The following PCDH7 variants were observed in gnomAD, a reference collection of about 807,000 sequenced individuals.
PCDH7 encodes protocadherin-7.
PCDH7 carries 17 observed loss-of-function variants against 58.9 expected under a neutral mutation model. That is an observed-to-expected ratio of 0.29 (90% CI 0.20 to 0.43). The LOEUF is 0.43. Among genes scored for constraint, PCDH7 ranks in the 20% least tolerant of loss-of-function variants. The pLI, the probability that PCDH7 is intolerant of heterozygous loss-of-function variation, is 1.00. For synonymous variants in PCDH7, 664 were observed against 616.4 expected (o/e 1.08, Z -1.14); for missense variants, 1,274 against 1,441.0 (o/e 0.88, Z 1.88).
intron 1 of PCDH7, among the ~76,000 whole-genome samples, chr4:30,859,755 G>A (rs1394875602): frequency 1.3e-5 from 2 of 152,028 alleles, no homozygotes; most frequent in Non-Finnish European, 2.9e-5. Flanking sequence ...TGATTCTTTA[G>A]AAGGCAAAAT....
At chr4:30,983,101 C>G (rs1750705428) in intron 3 of PCDH7, among the ~76,000 whole-genome samples, 2 of 152,110 alleles carry the variant, frequency 1.3e-5, no homozygotes, top group Admixed American at 6.6e-5. Flanking sequence ...CAGGGGGCAT[C>G]TTTCACAGCT....
intron 1 of PCDH7, among the ~76,000 whole-genome samples, chr4:30,762,359 ATAAC>A (rs1270426836): frequency 2.6e-5 from 4 of 152,208 alleles, no homozygotes; most frequent in Admixed American, 1.3e-4. Context: ...GATTAGATAA[ATAAC>A]TAAACTGATC....
intron 1 of PCDH7, among the ~76,000 whole-genome samples, chr4:30,918,686 C>A (rs1308279464): frequency 6.6e-6 from 1 of 151,984 alleles, no homozygotes; most frequent in Non-Finnish European, 1.5e-5. Flanking sequence ...TATTAAGATT[C>A]AACTATTCTG....
intron 1 of PCDH7, among the ~76,000 whole-genome samples, chr4:30,858,305 G>T (rs1733753824): frequency 6.6e-6 from 1 of 151,926 alleles, no homozygotes; most frequent in Non-Finnish European, 1.5e-5. Context: ...GTTCTCATTT[G>T]TGTTGAGACA....
At chr4:30,755,774 T>C (rs1719212014) in intron 1 of PCDH7, among the ~76,000 whole-genome samples, 1 of 152,062 alleles carries the variant, frequency 6.6e-6, no homozygotes, top group African/African-American at 2.4e-5. Flanking sequence ...ATGAGGGCTT[T>C]TGTACTGCAT....
intron 1 of PCDH7, chr4:30,725,375 C>A: frequency 1.4e-6 from 1 of 719,710 alleles, no homozygotes; most frequent in Non-Finnish European, 1.7e-6. Flanking sequence ...GATTGATGTA[C>A]TGTGTGCAAG....
At chr4:30,990,276 C>T (rs1396489032) in intron 3 of PCDH7, among the ~76,000 whole-genome samples, 1 of 151,700 alleles carries the variant, frequency 6.6e-6, no homozygotes, top group East Asian at 1.9e-4. Flanking sequence ...TATGTATCTA[C>T]CTATATATGT....
At chr4:31,097,768 C>A (rs1714341423) in intron 3 of PCDH7, among the ~76,000 whole-genome samples, 1 of 151,064 alleles carries the variant, frequency 6.6e-6, no homozygotes, top group Admixed American at 6.6e-5. Context: ...GAAAGTCAGG[C>A]TAGCTCTGCC....
At chr4:31,093,476 A>C (rs911061136) in intron 3 of PCDH7, among the ~76,000 whole-genome samples, 1 of 152,068 alleles carries the variant, frequency 6.6e-6, no homozygotes, top group Admixed American at 6.6e-5. Flanking sequence ...CCATTTCTTG[A>C]GGCAGTAGAA....
chr4:30,917,196 TTCTC>T (rs1266276430), intron 1 of PCDH7, among the ~76,000 whole-genome samples: 1 of 152,124 alleles, frequency 6.6e-6, no homozygotes, highest in African/African-American at 2.4e-5. Flanking sequence ...CTCTTGCTGT[TTCTC>T]TCTCTGTCTC....
chr4:30,930,784 TA>T (rs1258448586), intron 2 of PCDH7, among the ~76,000 whole-genome samples: 3 of 151,388 alleles, frequency 2.0e-5, no homozygotes, highest in Non-Finnish European at 4.4e-5. Flanking sequence ...AAAAAAAGTT[TA>T]AAAATTTGCC....
At chr4:30,966,643 A>C (rs993785974) in intron 3 of PCDH7, among the ~76,000 whole-genome samples, 5 of 152,012 alleles carry the variant, frequency 3.3e-5, no homozygotes, top group African/African-American at 9.7e-5. Context: ...TTCAAGAAAA[A>C]CTGTAAGGAG....
At chr4:30,946,604 A>G (rs1180497938) in intron 2 of PCDH7, among the ~76,000 whole-genome samples, 1 of 151,452 alleles carries the variant, frequency 6.6e-6, no homozygotes, top group Non-Finnish European at 1.5e-5. Context: ...TGTGAAAAGC[A>G]GTCTCTCTCT....
rs181823441 is a variant in PCDH7, at chr4:31,060,235, T to C, written c.*8-82238T>C. On this transcript the variant is annotated intron_variant, in intron 3 of 3. Coordinates refer to the PCDH7 transcript ENST00000509759. ...TTGTCCCCAATCTTGGTTATGAAAG[T>C]AGATATCTTTGTATGATAATAAATT... Among the ~76,000 whole-genome samples, 939 of 151,906 alleles carry C rather than the reference T, an allele frequency of 6.2e-3. 21 individuals carry two copies. The highest frequency in any genetic ancestry group is 8.6e-3 in the Non-Finnish European group (583 of 67,748).
intron 1 of PCDH7, among the ~76,000 whole-genome samples, chr4:30,892,008 T>C (rs1738678252): frequency 1.3e-5 from 2 of 152,054 alleles, no homozygotes; most frequent in African/African-American, 4.8e-5. Flanking sequence ...ATGTTAAATA[T>C]GTTAATCGCC....
At chr4:30,928,945 T>C (rs971693278) in intron 2 of PCDH7, among the ~76,000 whole-genome samples, 2 of 152,164 alleles carry the variant, frequency 1.3e-5, no homozygotes, top group African/African-American at 4.8e-5. Flanking sequence ...GTTCAAAAAC[T>C]CTAAAATTTA....
At chr4:31,134,384 C>T (rs767971461) in intron 3 of PCDH7, among the ~76,000 whole-genome samples, 9 of 152,026 alleles carry the variant, frequency 5.9e-5, no homozygotes, top group South Asian at 2.1e-4. Context: ...TGCTAGAACC[C>T]GGGAGGTGGA....
At chr4:31,073,288 T>TAAATAATA (rs1427272964) in intron 3 of PCDH7, among the ~76,000 whole-genome samples, 22 of 152,320 alleles carry the variant, frequency 1.4e-4, no homozygotes, top group African/African-American at 5.1e-4. Flanking sequence ...CATTGATTTA[T>TAAATAATA]AGCACACATA....
chr4:31,107,234 G>T (rs998758279), intron 3 of PCDH7, among the ~76,000 whole-genome samples: 2 of 152,190 alleles, frequency 1.3e-5, no homozygotes, highest in Middle Eastern at 6.8e-3. Flanking sequence ...ACATGAATAC[G>T]TGGGTGAAAT....
Sources: gnomAD v4.1 joint callset for allele counts (sites outside exome capture counted in the v4.1 genomes callset) on GRCh38, gnomAD v4.1.1 for gene constraint, MANE v1.5 for transcripts, NCBI Gene and HGNC (gene_info 2026-07-23, HGNC 2026-07-21) for gene names.